The following TERF2 variants were observed in gnomAD, a reference collection of about 807,000 sequenced individuals.
The protein encoded by TERF2 is telomeric repeat binding factor 2, also known as telomeric repeat-binding factor 2.
A neutral mutation model predicts 56.1 loss-of-function variants in TERF2; 16 were observed. That is an observed-to-expected ratio of 0.29 (90% CI 0.19 to 0.43). The LOEUF is 0.43. TERF2 is among the 20% of genes least tolerant of loss of function. The pLI is 1.00. For synonymous variants in TERF2, 296 were observed against 282.1 expected, an observed-to-expected ratio of 1.05 and a Z score of -0.50; for missense variants, 547 against 712.9, an observed-to-expected ratio of 0.77 and a Z score of 2.65.
Position 69,385,794 on chromosome 16 carries a change from G to A in TERF2, c.178C>T (p.Arg60Trp). 1 of 1,294,258 alleles carries A rather than the reference G, an allele frequency of 7.7e-7. No homozygotes were observed. The allele number at this position is 1,294,258 out of a possible 1,614,324, so 80.2% of individuals were successfully genotyped here. Reference sequence around the variant, plus strand: ...GCCCGCCCGCTACTGCGGGACGCCCGCCTGCCAGCTGCCCGCCCGCTGCCG... The same window carrying A: ...GCCCGCCCGCTACTGCGGGACGCCCACCTGCCAGCTGCCCGCCCGCTGCCG... ...SDGSGRAAGR[R>W]ASRSSGRARR... The change falls in exon 1 of 10, where the codon CGG (arginine) becomes TGG (tryptophan). Residue 60 changes from arginine to tryptophan, a missense_variant. Around this residue, in one of 6 missense-constraint regions of TERF2, gnomAD observed 120 missense variants for 172.4 expected, o/e 0.70. Coordinates refer to ENST00000254942, the MANE Select transcript of TERF2 (RefSeq NM_005652.5).
Position 69,356,700 on chromosome 16 carries a change from T to C in TERF2, c.*198A>G. On this transcript the variant is annotated 3_prime_UTR_variant, in exon 10 of 10. Transcript: ENST00000254942. Reference sequence around the variant, plus strand: ...CTGTAGTCCCAGCTACTCGGGAGGCTGAGGCAGGAGAATGGCGTGAGCCCG... The same window carrying C: ...CTGTAGTCCCAGCTACTCGGGAGGCCGAGGCAGGAGAATGGCGTGAGCCCG... 1 of 512,682 alleles carries C rather than the reference T, an allele frequency of 2.0e-6. No homozygotes were observed. The highest frequency in any genetic ancestry group is 3.3e-6 in the Non-Finnish European group (1 of 306,824). The allele number at this position is 512,682 out of a possible 1,614,324, so 31.8% of individuals were successfully genotyped here.
At chr16:69,363,484 C>T (rs991415157) in intron 7 of TERF2, among the ~76,000 whole-genome samples, 1 of 152,180 alleles carries the variant, frequency 6.6e-6, no homozygotes, top group Non-Finnish European at 1.5e-5. Context: ...CTCCTCCTAA[C>T]TGTAATGGGC....
intron 6 of TERF2, 57 bp from the exon 7 acceptor site, chr16:69,367,256 A>C (rs1597247169): frequency 2.9e-5 from 44 of 1,519,694 alleles, no homozygotes; most frequent in African/African-American, 1.4e-5. Flanking sequence ...GCTCATCCAA[A>C]CAGCCACAAC....
chr16:69,358,064 G>A (rs557338387), intron 8 of TERF2, among the ~76,000 whole-genome samples: 142 of 151,616 alleles, frequency 9.4e-4, no homozygotes, highest in Admixed American at 2.5e-3. Context: ...CCAGGCTGGA[G>A]TGCAGTGGAG....
In TERF2 at chr16:69,361,417, C is replaced by T. The variant is rs778816762; in HGVS notation, c.1413G>A (p.Leu471=). Residue 471 remains leucine, a synonymous_variant, in exon 8 of 10, where the codon CTG becomes CTA. Transcript: ENST00000254942. ...EKETWVEEDE[L]FQVQAAPDED... The stretch of plus-strand genomic sequence containing the variant: ...TCTTCTGCTTACCCTGAACTTGAAA[C>T]AGTTCATCCTCTTCCACCCAAGTCT... 3.1e-6 allele frequency: 5 copies of T among 1,612,990 alleles called. No individual in the cohort carries two copies. Among genetic ancestry groups the T allele is most frequent in the South Asian group, 1.1e-5 (1 of 91,062 alleles).
intron 3 of TERF2, among the ~76,000 whole-genome samples, 172 bp downstream of exon 3, chr16:69,384,408 G>A (rs1321001126): frequency 6.6e-6 from 1 of 152,154 alleles, no homozygotes; most frequent in East Asian, 1.9e-4. Flanking sequence ...TCCCAAGCCT[G>A]GGTGGGAAAG....
chr16:69,379,443 T>C (rs1238751716), intron 3 of TERF2, among the ~76,000 whole-genome samples: 2 of 152,260 alleles, frequency 1.3e-5, no homozygotes, highest in African/African-American at 4.8e-5. Flanking sequence ...GGACATGCTA[T>C]ACGTGTTGCT....
At chr16:69,382,246 A>G (rs578180407) in intron 3 of TERF2, among the ~76,000 whole-genome samples, 1 of 152,370 alleles carries the variant, frequency 6.6e-6, no homozygotes, top group Non-Finnish European at 1.5e-5. Context: ...CGAAAGATTC[A>G]ATATACTTTT....
intron 8 of TERF2, among the ~76,000 whole-genome samples, chr16:69,358,350 G>T (rs1453118010): frequency 6.6e-6 from 1 of 152,076 alleles, no homozygotes; most frequent in Non-Finnish European, 1.5e-5. Flanking sequence ...GTTTCACTGT[G>T]TTAGCCAGGG....
Position 69,385,865 on chromosome 16 carries a change from C to T in TERF2, c.107G>A (p.Gly36Asp). Residue 36 changes from glycine (G) to aspartate (D), a missense_variant, in exon 1 of 10, where the codon GGC becomes GAC. Physicochemically the swap from Gly to Asp is moderately conservative, Grantham distance 94. This residue lies in a region of TERF2 where 120 missense variants were observed against 172.4 expected (regional missense o/e 0.70). Coordinates refer to ENST00000254942, the MANE Select transcript of TERF2 (RefSeq NM_005652.5). ...RKRPGREGGE[G>D]ARRSDTMAGG... ...CGCCATCGTGTCCGATCGCCGCGCG[C>T]CCTCCCCGCCCTCCCGGCCGGGCCG... is the stretch of plus-strand genomic sequence containing the variant. The T allele has an allele frequency of 1.5e-6, 2 of 1,367,136 alleles. No homozygotes were observed. The highest frequency in any genetic ancestry group is 1.9e-6 in the Non-Finnish European group (2 of 1,057,986). 84.7% of individuals were successfully genotyped at this position (1,367,136 alleles called of 1,614,324 possible).
intron 3 of TERF2, among the ~76,000 whole-genome samples, chr16:69,379,506 GGA>G (rs1251906516): frequency 6.6e-6 from 1 of 152,182 alleles, no homozygotes; most frequent in Non-Finnish European, 1.5e-5. Context: ...TTAGTTATGA[GGA>G]GAAAACAAAT....
At chr16:69,373,991 C>T (rs903165906) in intron 3 of TERF2, among the ~76,000 whole-genome samples, 6 of 152,150 alleles carry the variant, frequency 3.9e-5, no homozygotes, top group Admixed American at 2.6e-4. Context: ...CCATACAGGG[C>T]GGAAGGCAAC....
At chr16:69,373,070 G>A (rs1212270437) in intron 3 of TERF2, among the ~76,000 whole-genome samples, 1 of 152,118 alleles carries the variant, frequency 6.6e-6, no homozygotes, top group Non-Finnish European at 1.5e-5. Flanking sequence ...ATATACTGTA[G>A]GCGGAAAGAA....
At position 69,357,539 on chromosome 16, in the gene TERF2, T is replaced by C. The variant is rs762986251; in HGVS notation, c.1449A>G (p.Thr483=). 17 of 1,613,640 alleles carry C rather than the reference T, an allele frequency of 1.1e-5. No individual in the cohort carries two copies. The highest frequency in any genetic ancestry group is 1.4e-5 in the Non-Finnish European group (17 of 1,179,884). Residue 483 remains threonine, a synonymous_variant, in exon 9 of 10, where the codon ACA becomes ACG. Coordinates refer to ENST00000254942, the MANE Select transcript of TERF2 (RefSeq NM_005652.5). ...TTACCTGCTTTTTTGTTATATTGGT[T>C]GTACTGTCTTCATCTGGTGCTGCTG... ...QVQAAPDEDS[T]TNITKKQKWT...
At chr16:69,376,269 C>T (rs2013774633) in intron 3 of TERF2, among the ~76,000 whole-genome samples, 1 of 152,154 alleles carries the variant, frequency 6.6e-6, no homozygotes, top group Non-Finnish European at 1.5e-5. Flanking sequence ...TGCATATGGA[C>T]ATTCAATTGT....
chr16:69,369,818 C>T (rs964396246), intron 5 of TERF2, among the ~76,000 whole-genome samples: 3 of 152,216 alleles, frequency 2.0e-5, no homozygotes, highest in Non-Finnish European at 4.4e-5. Context: ...ATGCCTTCTT[C>T]CTGTTAGCAA....
intron 7 of TERF2, 33 bp downstream of exon 7, chr16:69,366,774 G>A (rs761210910): frequency 1.9e-6 from 3 of 1,572,638 alleles, no homozygotes; most frequent in Admixed American, 3.8e-5. Context: ...CCACCAACCA[G>A]CCCCAAAATT....
intron 3 of TERF2, among the ~76,000 whole-genome samples, chr16:69,381,237 C>G (rs1215919175): frequency 1.3e-5 from 2 of 152,244 alleles, no homozygotes; most frequent in African/African-American, 4.8e-5. Context: ...TAAACTTTAT[C>G]ACTGGCAACA....
intron 3 of TERF2, among the ~76,000 whole-genome samples, chr16:69,381,474 C>T (rs2013996913): frequency 6.6e-6 from 1 of 151,826 alleles, no homozygotes; most frequent in Non-Finnish European, 1.5e-5. Flanking sequence ...GTCATACTTC[C>T]TCTTATTTTT....
Sources: gnomAD v4.1 joint callset for allele counts (sites outside exome capture counted in the v4.1 genomes callset) on GRCh38, gnomAD v4.1.1 for gene constraint, gnomAD v4.1.1 regional missense constraint, MANE v1.5 for transcripts, NCBI Gene and HGNC (gene_info 2026-07-23, HGNC 2026-07-21) for gene names.